The following PEX26 variants were observed in gnomAD, a reference collection of about 807,000 sequenced individuals.
The protein encoded by PEX26 is peroxisomal biogenesis factor 26.
Under a neutral mutation model 31.4 loss-of-function variants are expected in PEX26, and 18 were observed. The ratio of observed to expected loss-of-function variants is 0.57; its 90% confidence interval spans 0.40 to 0.85. The LOEUF (loss-of-function observed/expected upper bound fraction) is 0.85, where lower values mean the gene tolerates loss of function less well. Among genes scored for constraint, PEX26 ranks in the 40% least tolerant of loss-of-function variants. PEX26 has a pLI of 0.00. For missense variants in PEX26, 377 were observed against 383.9 expected (o/e 0.98, Z 0.15); for synonymous variants, 176 against 166.9 (o/e 1.05, Z -0.42).
rs529550716 is a variant in PEX26, at chr22:18,100,774, T to C, written c.*12699T>C. On this transcript the variant is annotated 3_prime_UTR_variant, in exon 5 of 5. Transcript: ENST00000399744. Reference sequence around the variant, plus strand: ...GCTGAGATAGATGAGTGGGACACCATCTCGGTAGGAAAGAGTTTGACAGGA... The same window carrying C: ...GCTGAGATAGATGAGTGGGACACCACCTCGGTAGGAAAGAGTTTGACAGGA... 2.6e-5 allele frequency: 4 copies of C among 152,360 alleles called. No individual in the cohort carries two copies. In the East Asian group the frequency reaches 7.7e-4, roughly 29 times the overall value. 9.4% of individuals were successfully genotyped at this position (152,360 alleles called of 1,614,324 possible).
chr22:18,081,151 TTA>T (rs60289884), intron 2 of PEX26, among the ~76,000 whole-genome samples: 22 of 141,378 alleles, frequency 1.6e-4, no homozygotes, highest in African/African-American at 4.6e-4. Flanking sequence ...TAGTATTCCA[TTA>T]TATATATATA....
chr22:18,083,785 T>C (rs1926722385), intron 3 of PEX26, 53 bp downstream of exon 3: 1 of 1,556,502 alleles, frequency 6.4e-7, no homozygotes, highest in Non-Finnish European at 8.8e-7. Context: ...GGGCTTGCAC[T>C]GTACCTCGGG....
chr22:18,078,543 A>T lies in PEX26; in HGVS notation c.167A>T (p.Glu56Val). Residue 56 changes from glutamate (E) to valine (V), a missense_variant, in exon 1 of 5, where the codon GAG becomes GTG. Coordinates refer to ENST00000399744, the MANE Select transcript of PEX26 (RefSeq NM_001127649.3). ...VVHLDFRAAL[E>V]TCERAWQSLA... Reference sequence around the variant, plus strand: ...CACCTGGACTTCCGGGCGGCGCTGGAGACCTGCGAGCGGGCCTGGCAGAGT... The same window carrying T: ...CACCTGGACTTCCGGGCGGCGCTGGTGACCTGCGAGCGGGCCTGGCAGAGT... 1 of 1,587,160 alleles carries T rather than the reference A, an allele frequency of 6.3e-7. No individual in the cohort carries two copies. The highest frequency in any genetic ancestry group is 8.5e-7 in the Non-Finnish European group (1 of 1,169,618).
rs1351467607 is a variant in PEX26, at chr22:18,103,581, C to G, written c.*15506C>G. 1.3e-5 allele frequency: 2 copies of G among 152,264 alleles called. No homozygotes were observed. The highest frequency in any genetic ancestry group is 2.9e-5 in the Non-Finnish European group (2 of 68,112). The allele number at this position is 152,264 out of a possible 1,614,324, so 9.4% of individuals were successfully genotyped here. ...TGATAATGTGTACTATATATCCAAC[C>G]ACAACATCAAATTCTGTATCAGAGG... On this transcript the variant is annotated 3_prime_UTR_variant, in exon 5 of 5. Coordinates refer to ENST00000399744, the MANE Select transcript of PEX26 (RefSeq NM_001127649.3).
chr22:18,082,580 A>T (rs361780), intron 2 of PEX26, among the ~76,000 whole-genome samples: 1 of 152,052 alleles, frequency 6.6e-6, no homozygotes, highest in Admixed American at 6.6e-5. Context: ...ATGCCATAAC[A>T]TGCTGTTATG....
Position 18,101,393 on chromosome 22 carries a change from C to T in PEX26, c.*13318C>T, listed in dbSNP as rs183812559. On this transcript the variant is annotated 3_prime_UTR_variant, in exon 5 of 5. Transcript: ENST00000399744. ...TGAGGTTGAAGGACTGGAAACTGACCTGTGTGAAAAAGAGCTATCAGTGCA... is the reference window on the plus strand; with the variant it reads ...TGAGGTTGAAGGACTGGAAACTGACTTGTGTGAAAAAGAGCTATCAGTGCA... 6.6e-6 allele frequency: 1 copy of T among 152,390 alleles called. No homozygotes were observed. The highest frequency in any genetic ancestry group is 1.9e-4 in the East Asian group (1 of 5,194). The allele number at this position is 152,390 out of a possible 1,614,324, so 9.4% of individuals were successfully genotyped here.
chr22:18,078,841 A>G (rs868775678), intron 1 of PEX26: 14 of 692,350 alleles, frequency 2.0e-5, no homozygotes, highest in Middle Eastern at 2.3e-4. Flanking sequence ...CCTTGTTCCA[A>G]GGTACAATGA....
At chr22:18,078,770 T>G in intron 1 of PEX26, 164 bp downstream of exon 1, 1 of 737,788 alleles carries the variant, frequency 1.4e-6, no homozygotes, top group Middle Eastern at 2.3e-4. Flanking sequence ...GTGCCCATTC[T>G]ACAGAGAAGG....
At position 18,092,546 on chromosome 22, in the gene PEX26, T is replaced by C. The variant is rs1927137961; in HGVS notation, c.*4471T>C. 4 of 152,338 alleles carry C rather than the reference T, an allele frequency of 2.6e-5. No individual in the cohort carries two copies. The South Asian group carries it at 8.3e-4, about 32-fold the overall frequency. The allele number at this position is 152,338 out of a possible 1,614,324, so 9.4% of individuals were successfully genotyped here. A position where few individuals can be genotyped will look rare whatever the true frequency, so the allele number is the denominator to read the frequency against. On this transcript the variant is annotated 3_prime_UTR_variant, in exon 5 of 5. Transcript: ENST00000399744. ...GCATGTATATTTTAGAAAATATTAA[T>C]TGCATAGAAGGAAATACAGGACTCG... is the stretch of plus-strand genomic sequence containing the variant.
At chr22:18,082,393 G>A (rs1349699931) in intron 2 of PEX26, among the ~76,000 whole-genome samples, 1 of 152,092 alleles carries the variant, frequency 6.6e-6, no homozygotes, top group East Asian at 1.9e-4. Context: ...TTTGTATGTG[G>A]GGAAAGGTAG....
chr22:18,083,973 G>A lies in PEX26; in HGVS notation c.667+241G>A, dbSNP rs561396995. Among the ~76,000 whole-genome samples, 19 of 152,316 alleles carry A rather than the reference G, an allele frequency of 1.2e-4. 2 individuals are homozygous for A. In the South Asian group the frequency reaches 3.9e-3, roughly 32 times the overall value. ...TTGCTGGGTCTTGGGACCTTGACTT[G>A]TCTTTTGAAAGTCATTTTCCCATTG... On this transcript the variant is annotated intron_variant, in intron 3 of 4. Coordinates refer to ENST00000399744, the MANE Select transcript of PEX26 (RefSeq NM_001127649.3).
At chr22:18,080,741 C>T (rs778987022) in intron 2 of PEX26, among the ~76,000 whole-genome samples, 2 of 152,118 alleles carry the variant, frequency 1.3e-5, no homozygotes, top group Non-Finnish European at 2.9e-5. Context: ...GGGTAGTTAG[C>T]ATATCCATCA....
chr22:18,085,240 G>T lies in PEX26; in HGVS notation c.796G>T (p.Val266Leu), dbSNP rs1449295777. The T allele has an allele frequency of 6.2e-7, 1 of 1,614,118 alleles. No homozygotes were observed. Among genetic ancestry groups the T allele is most frequent in the African/African-American group, 1.3e-5 (1 of 75,034 alleles). The part of the protein sequence containing the change: ...LLAALILCLL[V>L]VRFDPASPSS... Reference sequence around the variant, plus strand: ...GGCTGCCTTGATCCTCTGTCTCCTGGTGGTGAGATTTGATCCAGGTAAGAG... The same window carrying T: ...GGCTGCCTTGATCCTCTGTCTCCTGTTGGTGAGATTTGATCCAGGTAAGAG... The change falls in exon 4 of 5, where the codon GTG becomes TTG. Residue 266 changes from valine (V) to leucine (L), a missense_variant. Physicochemically the swap from Val to Leu is conservative, Grantham distance 32. Transcript: ENST00000399744.
In PEX26 at chr22:18,097,639, C is replaced by A. The variant is rs1205074471; in HGVS notation, c.*9564C>A. 3 of 151,838 alleles carry A rather than the reference C, an allele frequency of 2.0e-5. No individual in the cohort carries two copies. The highest frequency in any genetic ancestry group is 7.3e-5 in the African/African-American group (3 of 41,302). The allele number at this position is 151,838 out of a possible 1,614,324, so 9.4% of individuals were successfully genotyped here. ...TACAAAACCAGTATGGATATAGATCCTAGTTTCTTCTCCTTTTTATAAAAA... is the reference window on the plus strand; with the variant it reads ...TACAAAACCAGTATGGATATAGATCATAGTTTCTTCTCCTTTTTATAAAAA... On this transcript the variant is annotated 3_prime_UTR_variant, in exon 5 of 5. Transcript: ENST00000399744.
chr22:18,079,415 G>A (rs1461252396), intron 1 of PEX26, among the ~76,000 whole-genome samples: 8 of 152,144 alleles, frequency 5.3e-5, no homozygotes, highest in African/African-American at 1.9e-4. Flanking sequence ...AATGCAGAAG[G>A]CTTTGCTTCT....
At chr22:18,085,312 C>T in intron 4 of PEX26, 54 bp downstream of exon 4, 1 of 1,592,650 alleles carries the variant, frequency 6.3e-7, no homozygotes, top group Non-Finnish European at 8.6e-7. Flanking sequence ...GTTGCCAGGG[C>T]TGGGCCTGTG....
chr22:18,092,977 G>A lies in PEX26; in HGVS notation c.*4902G>A, dbSNP rs1190734752. ...AAAATAAACGGGACAATGCCAACAT[G>A]CTCAACAATAAAGGGTTCTTTTTCT... On this transcript the variant is annotated 3_prime_UTR_variant, in exon 5 of 5. Coordinates refer to ENST00000399744, the MANE Select transcript of PEX26 (RefSeq NM_001127649.3). The A allele has an allele frequency of 6.6e-6, 1 of 152,112 alleles. No individual in the cohort carries two copies. The highest frequency in any genetic ancestry group is 2.4e-5 in the African/African-American group (1 of 41,398). The allele number at this position is 152,112 out of a possible 1,614,324, so 9.4% of individuals were successfully genotyped here.
rs747670268 is a variant in PEX26 at position 18,085,092 on chromosome 22, T to C, written c.668-20T>C. 3 of 1,613,768 alleles carry C rather than the reference T, an allele frequency of 1.9e-6. No individual in the cohort carries two copies. The highest frequency in any genetic ancestry group is 2.5e-6 in the Non-Finnish European group (3 of 1,179,872). On this transcript the variant is annotated intron_variant, in intron 3 of 4. Coordinates refer to ENST00000399744, the MANE Select transcript of PEX26 (RefSeq NM_001127649.3). Reference sequence around the variant, plus strand: ...GATTCCCATGACATCCCTGAAGCTGTGCTCTGTCTCCCTGGCCAGGCTCTG... The same window carrying C: ...GATTCCCATGACATCCCTGAAGCTGCGCTCTGTCTCCCTGGCCAGGCTCTG...
At position 18,085,185 on chromosome 22, in the gene PEX26, C is replaced by G. The variant is rs1926792159; in HGVS notation, c.741C>G (p.Phe247Leu). ...RQLWDSAVSH[F>L]FSLPFKKSLL... ...TTTGGGACTCTGCGGTGAGCCACTT[C>G]TTTTCTCTGCCCTTCAAAAAGAGTC... Residue 247 changes from phenylalanine (F) to leucine (L), a missense_variant, in exon 4 of 5, where the codon TTC (phenylalanine) becomes TTG (leucine). Coordinates refer to ENST00000399744, the MANE Select transcript of PEX26 (RefSeq NM_001127649.3). 1 of 1,614,182 alleles carries G rather than the reference C, an allele frequency of 6.2e-7. No homozygotes were observed.
Sources: gnomAD v4.1 joint callset for allele counts (sites outside exome capture counted in the v4.1 genomes callset) on GRCh38, gnomAD v4.1.1 for gene constraint, MANE v1.5 for transcripts, NCBI Gene and HGNC (gene_info 2026-07-23, HGNC 2026-07-21) for gene names.